DNAH9: variants seen among roughly 807,000 people sequenced by gnomAD.
DNAH9 encodes the protein dynein axonemal heavy chain 9.
DNAH9 carries 345 observed loss-of-function variants against 471.6 expected under a neutral mutation model. The ratio of observed to expected loss-of-function variants is 0.73; its 90% CI spans 0.67 to 0.80. DNAH9 has a LOEUF of 0.80. Ranked by LOEUF, DNAH9 falls within the 30% of genes least tolerant of loss-of-function variation. The pLI is 0.00. For synonymous variants in DNAH9, 2,093 were observed against 2,123.6 expected (o/e 0.99, Z 0.40); for missense variants, 5,407 against 5,609.2 (o/e 0.96, Z 1.15).
chr17:11,793,878 A>G lies in DNAH9; in HGVS notation c.8223+214A>G, dbSNP rs966644007. Among the ~76,000 whole-genome samples the G allele has an allele frequency of 2.0e-5, 3 of 152,208 alleles. No individual in the cohort carries two copies. In the South Asian group the frequency reaches 6.2e-4, roughly 32 times the overall value. On this transcript the variant is annotated intron_variant, in intron 42 of 68. Transcript: ENST00000262442. ...GAATCCCAGTGTTGAAGAAGTCCAT[A>G]GAGATCATCTGATCCAAGTCCCCAC...
chr17:11,900,826 T>C (rs990170866), intron 59 of DNAH9, among the ~76,000 whole-genome samples: 4 of 152,118 alleles, frequency 2.6e-5, no homozygotes, highest in East Asian at 3.9e-4. Flanking sequence ...TTTCATGTCA[T>C]TGGGGAAACC....
At position 11,652,940 on chromosome 17, in the gene DNAH9, C is replaced by T. The variant is rs980814340; in HGVS notation, c.2533C>T (p.Arg845Ter). The T allele has an allele frequency of 3.7e-6, 6 of 1,613,796 alleles. No homozygotes were observed. Among genetic ancestry groups the T allele is most frequent in the African/African-American group, 2.7e-5 (2 of 75,018 alleles). The stretch of plus-strand genomic sequence containing the variant: ...TCTTTCTCTGGATGATCGGCATGAT[C>T]GAATGGAAAAATATTACAATCTCAT... ...SLLSLDDRHD[R>*]MEKYYNLIKE... is the part of the protein sequence containing the mutation. Residue 845 changes from arginine to a stop codon, truncating the protein, a stop_gained, in exon 14 of 69, where the codon CGA (arginine) becomes TGA (stop). Transcript: ENST00000262442. LOFTEE classifies it high-confidence loss of function.
At position 11,738,918 on chromosome 17, in the gene DNAH9, G is replaced by A. The variant is rs1351665020; in HGVS notation, c.5853G>A (p.Gln1951=). The A allele has an allele frequency of 1.2e-5, 20 of 1,614,186 alleles. No individual in the cohort carries two copies. Among genetic ancestry groups the A allele is most frequent in the Non-Finnish European group, 1.7e-5 (20 of 1,180,002 alleles). The change falls in exon 29 of 69, where the codon CAG becomes CAA. Residue 1951 remains glutamine, a synonymous_variant. Coordinates refer to ENST00000262442, the MANE Select transcript of DNAH9 (RefSeq NM_001372.4). ...SIQDAIRDKK[Q]WFSFLGEEIS... ...AAGATGCGATTAGAGATAAGAAGCA[G>A]TGGTTCAGCTTCCTTGGGGAGGAGA...
At chr17:11,609,820 G>A (rs1387708254) in intron 2 of DNAH9, among the ~76,000 whole-genome samples, 1 of 152,194 alleles carries the variant, frequency 6.6e-6, no homozygotes, top group African/African-American at 2.4e-5. Context: ...AAATCGTGAT[G>A]GTGATCTTCA....
intron 19 of DNAH9, among the ~76,000 whole-genome samples, chr17:11,686,768 G>A (rs118035883): frequency 6.6e-6 from 1 of 152,302 alleles, no homozygotes; most frequent in East Asian, 1.9e-4. Context: ...AAGGAAGAAT[G>A]GTTAGCAAGA....
intron 14 of DNAH9, among the ~76,000 whole-genome samples, chr17:11,656,499 T>C (rs2073652384): frequency 1.3e-5 from 2 of 152,200 alleles, no homozygotes; most frequent in African/African-American, 4.8e-5. Context: ...TCTTCTATGA[T>C]ATCATGCGTA....
intron 35 of DNAH9, among the ~76,000 whole-genome samples, chr17:11,762,758 GTTTTTTTTTTTGTTTTTTTTTT>G (rs1967736909): frequency 1.1e-5 from 1 of 94,790 alleles, no homozygotes; most frequent in Non-Finnish European, 2.1e-5. Flanking sequence ...CTTTAGGTGC[GTTTTTTTTTTTGTTTTTTTTTT>G]TTTTTTTTTT....
Position 11,736,338 on chromosome 17 carries a change from C to T in DNAH9, c.5815-2542C>T, listed in dbSNP as rs115768910. On this transcript the variant is annotated intron_variant, in intron 28 of 68. Coordinates refer to ENST00000262442, the MANE Select transcript of DNAH9 (RefSeq NM_001372.4). ...AGATCTTCAGAAAACGATGCATTTT[C>T]GATAGAGAAACAGATCCCAATGGGT... Among the ~76,000 whole-genome samples, 636 of 152,272 alleles carry T rather than the reference C, an allele frequency of 4.2e-3. 2 individuals are homozygous for T. Among genetic ancestry groups the T allele is most frequent in the African/African-American group, 0.014 (565 of 41,544 alleles).
chr17:11,617,758 C>G, intron 5 of DNAH9, 136 bp downstream of exon 5: 2 of 644,894 alleles, frequency 3.1e-6, no homozygotes, highest in Non-Finnish European at 5.4e-6. Context: ...ACTTGAATTA[C>G]AGTATTTTAC....
Position 11,693,926 on chromosome 17 carries a change from A to C in DNAH9, c.4673A>C (p.Gln1558Pro). ...IDFKELAYDA[Q>P]KIPNVVQTTN... ...TTTAAAGAGCTAGCTTATGATGCCC[A>C]GAAAATTCCAAATGTAGTGCAAACC... The change falls in exon 21 of 69, where the codon CAG becomes CCG. Residue 1558 changes from glutamine to proline, a missense_variant. Around this residue, in one of 3 missense-constraint regions of DNAH9, gnomAD observed 4,636 missense variants for 4,900.3 expected, o/e 0.95. Transcript: ENST00000262442. 1 of 1,614,204 alleles carries C rather than the reference A, an allele frequency of 6.2e-7. No homozygotes were observed. The highest frequency in any genetic ancestry group is 8.5e-7 in the Non-Finnish European group (1 of 1,180,024).
chr17:11,880,633 G>GC (rs1972681637), intron 54 of DNAH9, among the ~76,000 whole-genome samples: 2 of 152,246 alleles, frequency 1.3e-5, no homozygotes, highest in South Asian at 2.1e-4. Context: ...ACAAGGCAAA[G>GC]CAGGGGGTGG....
At chr17:11,860,356 C>G (rs1261554300) in intron 50 of DNAH9, among the ~76,000 whole-genome samples, 1 of 152,180 alleles carries the variant, frequency 6.6e-6, no homozygotes, top group Non-Finnish European at 1.5e-5. Flanking sequence ...CTTTCTCTCT[C>G]TTATTCTGCT....
In DNAH9 at chr17:11,898,811, T is replaced by C. The variant is rs76786647; in HGVS notation, c.11407-3908T>C. On this transcript the variant is annotated intron_variant, in intron 59 of 68. Coordinates refer to ENST00000262442, the MANE Select transcript of DNAH9 (RefSeq NM_001372.4). ...GATTCACAAGCACTCTTCAGTACTT[T>C]CATTTTACAAAGCTCAACCCAAAAG... Among the ~76,000 whole-genome samples the C allele has an allele frequency of 3.9e-3, 598 of 152,344 alleles. 4 individuals carry two copies. Among genetic ancestry groups the C allele is most frequent in the African/African-American group, 0.013 (553 of 41,574 alleles).
chr17:11,949,220 T>C (rs1218212105), intron 67 of DNAH9, among the ~76,000 whole-genome samples: 3 of 152,174 alleles, frequency 2.0e-5, no homozygotes, highest in Non-Finnish European at 4.4e-5. Flanking sequence ...ATAGCCCTCC[T>C]ATCCTGAAAA....
intron 50 of DNAH9, among the ~76,000 whole-genome samples, chr17:11,860,239 T>A (rs1489965111): frequency 6.6e-6 from 1 of 152,316 alleles, no homozygotes; most frequent in African/African-American, 2.4e-5. Context: ...TACTTTCCTT[T>A]ATTGTCTCTT....
intron 43 of DNAH9, among the ~76,000 whole-genome samples, chr17:11,806,364 T>C (rs1180488257): frequency 1.3e-5 from 2 of 152,166 alleles, no homozygotes; most frequent in Non-Finnish European, 2.9e-5. Flanking sequence ...TTAAAAAATA[T>C]ATACAGTGTT....
intron 26 of DNAH9, among the ~76,000 whole-genome samples, chr17:11,714,537 T>C (rs967078290): frequency 2.6e-5 from 4 of 152,166 alleles, no homozygotes; most frequent in Admixed American, 1.3e-4. Context: ...ACAAATGATC[T>C]CTAAGGACCC....
intron 61 of DNAH9, among the ~76,000 whole-genome samples, chr17:11,908,490 A>G (rs1469381791): frequency 6.6e-6 from 1 of 152,154 alleles, no homozygotes; most frequent in Non-Finnish European, 1.5e-5. Context: ...TGCTATTCCA[A>G]TCATAAAAGC....
At chr17:11,869,733 G>A (rs888139872) in intron 51 of DNAH9, among the ~76,000 whole-genome samples, 9 of 152,204 alleles carry the variant, frequency 5.9e-5, no homozygotes, top group Non-Finnish European at 1.2e-4. Flanking sequence ...GGCCTTCCTG[G>A]GAAATCAAGT....
Sources: gnomAD v4.1 joint callset for allele counts (sites outside exome capture counted in the v4.1 genomes callset) on GRCh38, gnomAD v4.1.1 for gene constraint, gnomAD v4.1.1 regional missense constraint, MANE v1.5 for transcripts, NCBI Gene and HGNC (gene_info 2026-07-23, HGNC 2026-07-21) for gene names.